The following XKR9 variants were observed in gnomAD, a reference collection of about 807,000 sequenced individuals.
XKR9 encodes the protein XK related 9, also known as XK-related protein 9.
A neutral mutation model predicts 32.0 loss-of-function variants in XKR9; 32 were observed. The observed-to-expected ratio is 1.00, with a 90% confidence interval of 0.76 to 1.34. XKR9 has a LOEUF of 1.34. Ranked by LOEUF, XKR9 falls within the 40% of genes most tolerant of loss-of-function variation. The probability of loss-of-function intolerance (pLI) is 0.00; values close to 1 mark genes in which losing one functional copy is unlikely to be tolerated. For synonymous variants in XKR9, 168 were observed against 143.4 expected (o/e 1.17, Z -1.22); for missense variants, 546 against 429.7 (o/e 1.27, Z -2.39).
the XKR9 span, among the ~76,000 whole-genome samples, chr8:70,857,350 A>C: frequency 6.6e-6 from 1 of 152,238 alleles, no homozygotes; most frequent in Non-Finnish European, 1.5e-5. Flanking sequence ...AAACACCTCT[A>C]TGCAAATAAA....
chr8:70,776,943 C>A (rs201771820), intron 2 of XKR9, among the ~76,000 whole-genome samples: 733 of 38,286 alleles, frequency 0.019, 22 homozygotes, highest in Non-Finnish European at 0.026. Context: ...CTCTCTCTCT[C>A]TCTCTATATA....
At chr8:70,978,827 T>G in the XKR9 span, among the ~76,000 whole-genome samples, 1 of 152,144 alleles carries the variant, frequency 6.6e-6, no homozygotes, top group Non-Finnish European at 1.5e-5. Flanking sequence ...TCCTGCAGAG[T>G]GTTTTCCAGC....
chr8:70,761,957 C>A (rs1807315256), intron 2 of XKR9, among the ~76,000 whole-genome samples: 1 of 152,004 alleles, frequency 6.6e-6, no homozygotes, highest in South Asian at 2.1e-4. Context: ...AATAGGGAAT[C>A]CTTTCCCCTT....
the XKR9 span, among the ~76,000 whole-genome samples, chr8:71,026,275 C>T: frequency 1.3e-5 from 2 of 152,248 alleles, no homozygotes; most frequent in Admixed American, 6.5e-5. Flanking sequence ...TCCTAATTTC[C>T]TACTTCCAAT....
chr8:70,761,859 G>T (rs906208998), intron 2 of XKR9, among the ~76,000 whole-genome samples: 23 of 151,726 alleles, frequency 1.5e-4, no homozygotes, highest in African/African-American at 5.3e-4. Flanking sequence ...TCCATCTTGA[G>T]TTGGTTTTTG....
At chr8:70,903,526 CT>C in the XKR9 span, among the ~76,000 whole-genome samples, 4 of 152,002 alleles carry the variant, frequency 2.6e-5, no homozygotes, top group African/African-American at 9.7e-5. Flanking sequence ...ATTCTTCTTT[CT>C]TTTCTTCTTT....
chr8:70,850,477 A>G, the XKR9 span, among the ~76,000 whole-genome samples: 7 of 149,050 alleles, frequency 4.7e-5, no homozygotes, highest in Non-Finnish European at 8.9e-5. Context: ...AAAAAAAAAA[A>G]AAAAAAAGAA....
At chr8:70,855,227 CA>C in the XKR9 span, among the ~76,000 whole-genome samples, 11 of 150,184 alleles carry the variant, frequency 7.3e-5, no homozygotes, top group African/African-American at 2.0e-4. Context: ...TTAAGAACCT[CA>C]AAAAAAAATT....
the XKR9 span, among the ~76,000 whole-genome samples, chr8:71,054,693 A>G: frequency 6.6e-6 from 1 of 152,198 alleles, no homozygotes; most frequent in African/African-American, 2.4e-5. Flanking sequence ...TATTGTAACT[A>G]GTGACATAAG....
chr8:70,910,208 A>T, the XKR9 span, among the ~76,000 whole-genome samples: 3 of 152,040 alleles, frequency 2.0e-5, no homozygotes, highest in Admixed American at 2.0e-4. Flanking sequence ...ACTAAGTCAG[A>T]GAGTAAAAGG....
the XKR9 span, among the ~76,000 whole-genome samples, chr8:71,023,711 A>G: frequency 6.6e-6 from 1 of 152,212 alleles, no homozygotes; most frequent in Middle Eastern, 3.4e-3. Flanking sequence ...GACATCCCTC[A>G]GGCTCCCAGG....
chr8:70,860,823 A>G, the XKR9 span, among the ~76,000 whole-genome samples: 11,029 of 152,032 alleles, frequency 0.073, 472 homozygotes, highest in Non-Finnish European at 0.089. Flanking sequence ...GACCTGTGCA[A>G]ATTGCCAACT....
At chr8:70,800,187 G>A in the XKR9 span, among the ~76,000 whole-genome samples, 5 of 152,178 alleles carry the variant, frequency 3.3e-5, no homozygotes, top group African/African-American at 9.6e-5. Context: ...ATGTTGAACC[G>A]ACCTTGCATC....
the XKR9 span, among the ~76,000 whole-genome samples, chr8:70,840,672 A>G: frequency 1.3e-5 from 2 of 152,148 alleles, no homozygotes; most frequent in African/African-American, 4.8e-5. Context: ...TCCATACCCT[A>G]AAATCCCTGA....
the XKR9 span, among the ~76,000 whole-genome samples, chr8:70,992,475 A>G: frequency 2.6e-5 from 4 of 152,188 alleles, no homozygotes; most frequent in East Asian, 7.7e-4. Flanking sequence ...TACTTCAAGC[A>G]TTGTGTTGGC....
At chr8:70,704,878 A>T (rs764040515) in intron 3 of XKR9, among the ~76,000 whole-genome samples, 1 of 152,134 alleles carries the variant, frequency 6.6e-6, no homozygotes, top group Non-Finnish European at 1.5e-5. Context: ...CTGTACTTAC[A>T]GCTCAACATT....
At chr8:70,774,207 TG>T in intron 2 of XKR9, among the ~76,000 whole-genome samples, 1 of 152,314 alleles carries the variant, frequency 6.6e-6, no homozygotes, top group East Asian at 1.9e-4. Flanking sequence ...CTTTCATGAT[TG>T]CGTAGAAAAA....
the XKR9 span, among the ~76,000 whole-genome samples, chr8:70,867,902 T>G: frequency 1.3e-5 from 2 of 152,124 alleles, no homozygotes; most frequent in Non-Finnish European, 2.9e-5. Flanking sequence ...GTATAGGCAT[T>G]GGGTAAATAT....
chr8:70,971,302 T>C, the XKR9 span, among the ~76,000 whole-genome samples: 1 of 152,186 alleles, frequency 6.6e-6, no homozygotes, highest in African/African-American at 2.4e-5. Context: ...AGCCCACTTT[T>C]TGATGGGATT....
Sources: allele counts gnomAD v4.1 joint callset (sites outside exome capture counted in the v4.1 genomes callset), GRCh38; gene constraint gnomAD v4.1.1; transcripts MANE v1.5; gene names NCBI Gene and HGNC (gene_info 2026-07-23, HGNC 2026-07-21).